ELAPOR2: variants seen among roughly 807,000 people sequenced by gnomAD.
ELAPOR2 encodes the protein endosome/lysosome-associated apoptosis and autophagy regulator family member 2.
A neutral mutation model predicts 120.7 loss-of-function variants in ELAPOR2; 89 were observed. That is an observed-to-expected ratio of 0.74 (90% CI 0.62 to 0.88). The LOEUF (loss-of-function observed/expected upper bound fraction) is 0.88. Ranked by LOEUF, ELAPOR2 falls within the 40% of genes least tolerant of loss-of-function variation. ELAPOR2 has a pLI of 0.00. For missense variants in ELAPOR2, 1,134 were observed against 1,251.6 expected (o/e 0.91, Z 1.42); for synonymous variants, 444 against 444.9 (o/e 1.00, Z 0.03).
intron 2 of ELAPOR2, among the ~76,000 whole-genome samples, chr7:86,957,127 A>T (rs1431274059): frequency 6.6e-6 from 1 of 152,212 alleles, no homozygotes; most frequent in Non-Finnish European, 1.5e-5. Flanking sequence ...AACTGTTTTC[A>T]TCTCATCTCC....
chr7:87,018,334 C>A (rs13229716), intron 1 of ELAPOR2, among the ~76,000 whole-genome samples: 1 of 151,962 alleles, frequency 6.6e-6, no homozygotes, highest in Non-Finnish European at 1.5e-5. Flanking sequence ...CCACCACGCC[C>A]GGCCAGAAAA....
chr7:86,949,903 AG>A (rs956598840), intron 2 of ELAPOR2, among the ~76,000 whole-genome samples: 1 of 152,204 alleles, frequency 6.6e-6, no homozygotes, highest in African/African-American at 2.4e-5. Context: ...CCTGGATGGA[AG>A]GGGATGGGTC....
intron 1 of ELAPOR2, among the ~76,000 whole-genome samples, chr7:86,983,453 A>T (rs4404849): frequency 0.14 from 21,894 of 152,088 alleles, 1,885 homozygotes; most frequent in African/African-American, 0.23. Context: ...CGGGTTACCC[A>T]CAAAGGGAAG....
chr7:86,892,709 A>T (rs1181282816), intron 20 of ELAPOR2, among the ~76,000 whole-genome samples: 3 of 152,014 alleles, frequency 2.0e-5, no homozygotes, highest in African/African-American at 7.2e-5. Context: ...ACTCTAACTC[A>T]ATGATCTCTA....
chr7:86,913,245 C>T (rs556528862), intron 13 of ELAPOR2, 41 bp from the exon 14 acceptor site: 2 of 1,592,152 alleles, frequency 1.3e-6, no homozygotes, highest in African/African-American at 1.3e-5. Flanking sequence ...TGCCTTGGGG[C>T]TTAGTTGTAC....
At chr7:86,939,347 G>T (rs1467242313) in intron 6 of ELAPOR2, among the ~76,000 whole-genome samples, 1 of 151,984 alleles carries the variant, frequency 6.6e-6, no homozygotes, top group Non-Finnish European at 1.5e-5. Flanking sequence ...TAAGACCTAG[G>T]AATGGCTTGA....
chr7:87,018,747 T>C (rs1793946110), intron 1 of ELAPOR2, among the ~76,000 whole-genome samples: 1 of 152,218 alleles, frequency 6.6e-6, no homozygotes, highest in East Asian at 1.9e-4. Flanking sequence ...ATCCCAGACA[T>C]GCACTTGTTT....
At chr7:86,943,181 C>A (rs1024479538) in intron 4 of ELAPOR2, among the ~76,000 whole-genome samples, 4 of 151,722 alleles carry the variant, frequency 2.6e-5, no homozygotes, top group African/African-American at 9.7e-5. Context: ...AAACTGAAAG[C>A]TTTTTTTATC....
chr7:86,895,067 A>C (rs978186826), intron 19 of ELAPOR2, among the ~76,000 whole-genome samples: 1 of 152,124 alleles, frequency 6.6e-6, no homozygotes, highest in African/African-American at 2.4e-5. Flanking sequence ...TAAAGTAAAA[A>C]ATTGTAAAGA....
At chr7:87,041,892 G>A (rs1384800834) in intron 1 of ELAPOR2, among the ~76,000 whole-genome samples, 5 of 151,778 alleles carry the variant, frequency 3.3e-5, no homozygotes, top group Non-Finnish European at 5.9e-5. Context: ...ACACACATAG[G>A]CTCAAAATAA....
At chr7:86,924,736 T>A (rs1789987050) in intron 10 of ELAPOR2, among the ~76,000 whole-genome samples, 1 of 147,430 alleles carries the variant, frequency 6.8e-6, no homozygotes. Flanking sequence ...TCACTTCCTA[T>A]GACTCAAGCT....
intron 1 of ELAPOR2, among the ~76,000 whole-genome samples, chr7:86,990,270 G>T (rs1019506990): frequency 6.6e-6 from 1 of 151,958 alleles, no homozygotes; most frequent in South Asian, 2.1e-4. Flanking sequence ...GGATGGTCTC[G>T]ATCTCCCGAC....
At chr7:87,011,249 CAAA>C (rs772971682) in intron 1 of ELAPOR2, among the ~76,000 whole-genome samples, 733 of 52,962 alleles carry the variant, frequency 0.014, 10 homozygotes, top group African/African-American at 0.038. Context: ...GACTCCATCT[CAAA>C]AAAAAAAAAA....
intron 21 of ELAPOR2, among the ~76,000 whole-genome samples, chr7:86,883,437 A>G (rs1048731292): frequency 6.6e-6 from 1 of 152,178 alleles, no homozygotes. Context: ...ACACAATAAG[A>G]TATGTGCAAC....
chr7:86,895,326 C>A (rs142069406), intron 19 of ELAPOR2, among the ~76,000 whole-genome samples: 1 of 151,932 alleles, frequency 6.6e-6, no homozygotes, highest in African/African-American at 2.4e-5. Flanking sequence ...CTGTATCATA[C>A]CAATTTTTTA....
At chr7:86,941,957 G>T (rs1455135614) in intron 5 of ELAPOR2, 61 bp downstream of exon 5, 23 of 964,134 alleles carry the variant, frequency 2.4e-5, no homozygotes, top group African/African-American at 3.3e-5. Context: ...AGAAGAAAAG[G>T]TTGGGGAAAA....
chr7:86,918,156 AT>A (rs111741296), intron 12 of ELAPOR2, among the ~76,000 whole-genome samples: 5,342 of 147,706 alleles, frequency 0.036, 302 homozygotes, highest in African/African-American at 0.12. Context: ...TTATGAAGGA[AT>A]TTTTTTTTTT....
At chr7:86,974,043 CT>C (rs1001237387) in intron 1 of ELAPOR2, among the ~76,000 whole-genome samples, 22 of 148,088 alleles carry the variant, frequency 1.5e-4, no homozygotes, top group Admixed American at 1.3e-4. Flanking sequence ...TAGTAATTTT[CT>C]TTTTTTTTTA....
intron 1 of ELAPOR2, among the ~76,000 whole-genome samples, chr7:87,040,037 C>A (rs576761951): frequency 6.6e-6 from 1 of 152,300 alleles, no homozygotes; most frequent in African/African-American, 2.4e-5. Context: ...CGGGTCACTC[C>A]CACTCGAATA....
Sources: gnomAD v4.1 joint callset for allele counts (sites outside exome capture counted in the v4.1 genomes callset) on GRCh38, gnomAD v4.1.1 for gene constraint, MANE v1.5 for transcripts, NCBI Gene and HGNC (gene_info 2026-07-23, HGNC 2026-07-21) for gene names.